Variants in CTNNA3 observed in about 807,000 individuals in gnomAD.
CTNNA3 encodes catenin alpha-3.
Under a neutral mutation model 95.7 loss-of-function variants are expected in CTNNA3, and 76 were observed. The ratio of observed to expected loss-of-function variants is 0.79; its 90% confidence interval spans 0.66 to 0.96. The LOEUF (loss-of-function observed/expected upper bound fraction) is 0.96. Among genes scored for constraint, CTNNA3 ranks in the 40% least tolerant of loss-of-function variants. The probability of loss-of-function intolerance (pLI) is 0.00; values close to 1 mark genes in which losing one functional copy is unlikely to be tolerated. For missense variants in CTNNA3, 1,191 were observed against 1,089.8 expected (o/e 1.09, Z -1.31); for synonymous variants, 431 against 374.4 (o/e 1.15, Z -1.74).
At chr10:67,008,583 T>G (rs1202623912) in intron 7 of CTNNA3, among the ~76,000 whole-genome samples, 1 of 152,156 alleles carries the variant, frequency 6.6e-6, no homozygotes, top group African/African-American at 2.4e-5. Context: ...CTGGCCTGGC[T>G]CATCTCTGAA....
chr10:67,690,864 C>T (rs1447020333), intron 1 of CTNNA3, among the ~76,000 whole-genome samples: 1 of 152,102 alleles, frequency 6.6e-6, no homozygotes, highest in Non-Finnish European at 1.5e-5. Flanking sequence ...CAGCCTCTCC[C>T]TCTCCCTCTC....
intron 1 of CTNNA3, among the ~76,000 whole-genome samples, chr10:67,743,823 T>C (rs1841358012): frequency 6.6e-6 from 1 of 151,128 alleles, no homozygotes; most frequent in Non-Finnish European, 1.5e-5. Context: ...ACAAAATCAA[T>C]GTGCAAAAAT....
chr10:67,057,846 T>C (rs1270543938), intron 7 of CTNNA3, among the ~76,000 whole-genome samples: 1 of 152,136 alleles, frequency 6.6e-6, no homozygotes, highest in Non-Finnish European at 1.5e-5. Context: ...CCACCAAAGA[T>C]TGAAGCCAAA....
rs549200131 is a variant in CTNNA3, at chr10:67,009,752, C to A, written c.1047+170565G>T. On this transcript the variant is annotated intron_variant, in intron 7 of 17. Transcript: ENST00000433211. ...GCAGTCTCTTGTTTCTCTTGCTAGA[C>A]TTTTTTACTCCATTCCTCTGTCACC... Among the ~76,000 whole-genome samples, 6 of 152,202 alleles carry A rather than the reference C, an allele frequency of 3.9e-5. No homozygotes were observed. The South Asian group carries it at 1.2e-3, about 32-fold the overall frequency.
At chr10:66,883,148 A>G (rs1844909849) in intron 7 of CTNNA3, among the ~76,000 whole-genome samples, 1 of 152,104 alleles carries the variant, frequency 6.6e-6, no homozygotes, top group African/African-American at 2.4e-5. Flanking sequence ...AGAAAGAAAT[A>G]AGTATTCCTA....
intron 13 of CTNNA3, among the ~76,000 whole-genome samples, chr10:66,275,189 C>T (rs1413255750): frequency 1.3e-5 from 2 of 152,130 alleles, no homozygotes; most frequent in Admixed American, 6.5e-5. Context: ...ATGATCTCAG[C>T]TCACTGCAAC....
intron 8 of CTNNA3, among the ~76,000 whole-genome samples, chr10:66,772,393 C>A (rs1204635064): frequency 6.6e-6 from 1 of 150,866 alleles, no homozygotes; most frequent in Non-Finnish European, 1.5e-5. Flanking sequence ...CCACTGCACT[C>A]CAGCCTGGGC....
chr10:66,597,014 T>G (rs1843734005), intron 10 of CTNNA3, among the ~76,000 whole-genome samples: 1 of 151,162 alleles, frequency 6.6e-6, no homozygotes, highest in African/African-American at 2.4e-5. Flanking sequence ...ACAAGACAAA[T>G]TCAGCAGAAG....
intron 13 of CTNNA3, among the ~76,000 whole-genome samples, chr10:66,117,889 T>C (rs569930785): frequency 1.3e-5 from 2 of 152,296 alleles, no homozygotes; most frequent in South Asian, 2.1e-4. Flanking sequence ...TGTGTGTGGA[T>C]ATACAGTGTG....
At chr10:66,332,909 G>A (rs903953196) in intron 12 of CTNNA3, among the ~76,000 whole-genome samples, 9 of 152,072 alleles carry the variant, frequency 5.9e-5, no homozygotes, top group African/African-American at 1.9e-4. Flanking sequence ...TTCAGAGCCT[G>A]TTATTGGTCT....
rs1374954661 is a variant in CTNNA3, at chr10:67,511,306, C to T, written c.579+10536G>A. Among the ~76,000 whole-genome samples, 3 of 152,220 alleles carry T rather than the reference C, an allele frequency of 2.0e-5. No homozygotes were observed. In the East Asian group the frequency reaches 5.8e-4, roughly 29 times the overall value. ...GGAATGAATGCTTCCAGTTTTTGCC[C>T]AGTCAGTATGATATTGGCTGTGGGT... On this transcript the variant is annotated intron_variant, in intron 5 of 17. Transcript: ENST00000433211.
At chr10:66,341,743 C>T (rs1314936662) in intron 12 of CTNNA3, among the ~76,000 whole-genome samples, 1 of 151,838 alleles carries the variant, frequency 6.6e-6, no homozygotes, top group Non-Finnish European at 1.5e-5. Flanking sequence ...CGAAGTGATG[C>T]ATGGTTAAAT....
intron 5 of CTNNA3, among the ~76,000 whole-genome samples, chr10:67,393,311 C>T (rs1265256543): frequency 1.3e-5 from 2 of 151,746 alleles, no homozygotes; most frequent in Non-Finnish European, 2.9e-5. Flanking sequence ...GGCAAAGGGC[C>T]CTTGCTCATG....
chr10:66,618,269 A>C (rs537074761), intron 10 of CTNNA3, among the ~76,000 whole-genome samples: 1 of 151,884 alleles, frequency 6.6e-6, no homozygotes, highest in Non-Finnish European at 1.5e-5. Flanking sequence ...CCTAAGCCAA[A>C]AGAACAAAGC....
intron 1 of CTNNA3, among the ~76,000 whole-genome samples, chr10:67,684,705 T>C (rs991051147): frequency 6.6e-6 from 1 of 152,174 alleles, no homozygotes; most frequent in African/African-American, 2.4e-5. Flanking sequence ...AGTTGTTAGT[T>C]GAGCTCATTT....
intron 17 of CTNNA3, among the ~76,000 whole-genome samples, chr10:65,965,223 C>T (rs1158766671): frequency 2.6e-5 from 4 of 152,082 alleles, no homozygotes; most frequent in Non-Finnish European, 5.9e-5. Context: ...ACAGAGGAAT[C>T]ATAGACCTTT....
chr10:66,281,362 T>C (rs941719835), intron 12 of CTNNA3, among the ~76,000 whole-genome samples: 2 of 151,930 alleles, frequency 1.3e-5, no homozygotes, highest in Non-Finnish European at 1.5e-5. Flanking sequence ...TTATTATCTC[T>C]TCACTAGGCT....
intron 9 of CTNNA3, among the ~76,000 whole-genome samples, chr10:66,679,738 A>G (rs1012309414): frequency 2.6e-5 from 4 of 152,346 alleles, no homozygotes; most frequent in Admixed American, 2.6e-4. Flanking sequence ...AATGAGGTAC[A>G]GCAATGAAGA....
chr10:66,602,113 C>T (rs1463910050), intron 10 of CTNNA3, among the ~76,000 whole-genome samples: 1 of 151,736 alleles, frequency 6.6e-6, no homozygotes, highest in South Asian at 2.1e-4. Flanking sequence ...TGTATAAGGT[C>T]TTTTGGTTGG....
Sources: allele counts gnomAD v4.1 joint callset (sites outside exome capture counted in the v4.1 genomes callset), GRCh38; gene constraint gnomAD v4.1.1; transcripts MANE v1.5; gene names NCBI Gene and HGNC (gene_info 2026-07-23, HGNC 2026-07-21).